The following GABRG3 variants were observed in gnomAD, a reference collection of about 807,000 sequenced individuals.
GABRG3 encodes gamma-aminobutyric acid receptor subunit gamma-3.
Under a neutral mutation model 48.8 loss-of-function variants are expected in GABRG3, and 25 were observed. That is an observed-to-expected ratio of 0.51 (90% confidence interval 0.37 to 0.72). GABRG3 has a LOEUF of 0.72. GABRG3 is among the 30% of genes least tolerant of loss of function. The probability of loss-of-function intolerance (pLI) is 0.00; values close to 1 mark genes in which losing one functional copy is unlikely to be tolerated. For synonymous variants in GABRG3, 227 were observed against 217.6 expected (o/e 1.04, Z -0.38); for missense variants, 394 against 577.9 (o/e 0.68, Z 3.26).
At chr15:27,054,997 C>T (rs541572515) in intron 3 of GABRG3, among the ~76,000 whole-genome samples, 2 of 131,712 alleles carry the variant, frequency 1.5e-5, no homozygotes, top group East Asian at 4.3e-4. Flanking sequence ...AGCCCAAGGG[C>T]CAAGACCTGT....
chr15:27,389,869 G>A (rs534329255), intron 5 of GABRG3, among the ~76,000 whole-genome samples: 4 of 152,266 alleles, frequency 2.6e-5, no homozygotes, highest in East Asian at 1.9e-4. Context: ...TAAAAGCAGC[G>A]CAAAATATGC....
chr15:27,171,564 A>G (rs1161686769), intron 3 of GABRG3, among the ~76,000 whole-genome samples: 3 of 148,996 alleles, frequency 2.0e-5, no homozygotes, highest in Admixed American at 6.7e-5. Flanking sequence ...ATGTATATGT[A>G]TATATATATA....
intron 3 of GABRG3, among the ~76,000 whole-genome samples, chr15:27,134,513 A>G (rs1020677829): frequency 6.6e-6 from 1 of 152,162 alleles, no homozygotes; most frequent in African/African-American, 2.4e-5. Flanking sequence ...GGGGCTCTGC[A>G]GTGTGACACC....
At chr15:27,296,482 A>G (rs1452017941) in intron 3 of GABRG3, among the ~76,000 whole-genome samples, 1 of 152,186 alleles carries the variant, frequency 6.6e-6, no homozygotes, top group African/African-American at 2.4e-5. Flanking sequence ...ATGGTAAGCA[A>G]GATGGTTAAT....
intron 6 of GABRG3, among the ~76,000 whole-genome samples, chr15:27,496,822 G>A (rs555519764): frequency 1.9e-3 from 294 of 152,306 alleles, no homozygotes; most frequent in Non-Finnish European, 3.5e-3. Flanking sequence ...GTAGAAAAAT[G>A]TTTGGTGATT....
At chr15:27,380,864 C>T (rs1397297531) in intron 5 of GABRG3, among the ~76,000 whole-genome samples, 1 of 148,002 alleles carries the variant, frequency 6.8e-6, no homozygotes, top group African/African-American at 2.5e-5. Context: ...CTCCTGGGTT[C>T]ACGCCATTCT....
intron 6 of GABRG3, among the ~76,000 whole-genome samples, chr15:27,499,541 T>A (rs1471501414): frequency 6.6e-6 from 1 of 152,230 alleles, no homozygotes; most frequent in Non-Finnish European, 1.5e-5. Context: ...TTAATGGAAA[T>A]GTTTATGTCG....
intron 3 of GABRG3, among the ~76,000 whole-genome samples, chr15:27,054,472 A>T (rs1896507654): frequency 1.3e-5 from 2 of 152,220 alleles, no homozygotes; most frequent in Admixed American, 6.5e-5. Context: ...AAACTGTAAA[A>T]GTTATCAAAG....
At chr15:27,488,388 G>C (rs1156668771) in intron 6 of GABRG3, among the ~76,000 whole-genome samples, 1 of 152,144 alleles carries the variant, frequency 6.6e-6, no homozygotes, top group African/African-American at 2.4e-5. Context: ...TGTGATGCTG[G>C]AGCCATCCTA....
intron 3 of GABRG3, among the ~76,000 whole-genome samples, chr15:27,264,627 A>C (rs933435991): frequency 2.6e-5 from 4 of 151,900 alleles, no homozygotes; most frequent in East Asian, 1.9e-4. Context: ...AAAAAAAAAA[A>C]AACCTTATGA....
intron 2 of GABRG3, among the ~76,000 whole-genome samples, chr15:27,007,215 G>A (rs1364593949): frequency 1.3e-5 from 2 of 151,932 alleles, no homozygotes; most frequent in Non-Finnish European, 2.9e-5. Context: ...GAGTAGTTGG[G>A]ACCACAGGTG....
intron 5 of GABRG3, among the ~76,000 whole-genome samples, chr15:27,355,969 G>A (rs1313952382): frequency 1.3e-5 from 2 of 152,146 alleles, no homozygotes; most frequent in Non-Finnish European, 2.9e-5. Flanking sequence ...TGGGGAATGG[G>A]GAATGATACC....
At chr15:27,067,778 A>T (rs1896762159) in intron 3 of GABRG3, among the ~76,000 whole-genome samples, 1 of 152,082 alleles carries the variant, frequency 6.6e-6, no homozygotes, top group Non-Finnish European at 1.5e-5. Context: ...TATTTTGTGA[A>T]CACCCAGCTA....
At chr15:27,308,025 A>T (rs1161625789) in intron 3 of GABRG3, among the ~76,000 whole-genome samples, 1 of 139,632 alleles carries the variant, frequency 7.2e-6, no homozygotes, top group East Asian at 2.2e-4. Flanking sequence ...TATAAAATAA[A>T]CATGTTTATA....
chr15:27,233,524 G>A (rs549830771), intron 3 of GABRG3, among the ~76,000 whole-genome samples: 47 of 152,176 alleles, frequency 3.1e-4, no homozygotes, highest in African/African-American at 1.1e-3. Flanking sequence ...CCTTCTCCTT[G>A]TGTCCTCTCA....
chr15:27,277,410 A>G (rs1891292325), intron 3 of GABRG3, among the ~76,000 whole-genome samples: 2 of 152,192 alleles, frequency 1.3e-5, no homozygotes, highest in Admixed American at 1.3e-4. Flanking sequence ...ACATTTGAGT[A>G]CAAACTAGTT....
chr15:27,499,123 A>G (rs1464936594), intron 6 of GABRG3, among the ~76,000 whole-genome samples: 1 of 152,232 alleles, frequency 6.6e-6, no homozygotes, highest in Non-Finnish European at 1.5e-5. Flanking sequence ...GCCTTGGGGT[A>G]TGCATTTGTC....
At chr15:27,163,937 C>T (rs966850965) in intron 3 of GABRG3, among the ~76,000 whole-genome samples, 1 of 152,278 alleles carries the variant, frequency 6.6e-6, no homozygotes, top group African/African-American at 2.4e-5. Flanking sequence ...GTGCCAGTGT[C>T]GCTCAGCTGC....
At position 26,977,054 on chromosome 15, in the gene GABRG3, T is replaced by A; in HGVS notation, c.106T>A (p.Trp36Arg). The change falls in exon 2 of 10, where the codon TGG (tryptophan) becomes AGG (arginine). Residue 36 changes from tryptophan to arginine, a missense_variant. Coordinates refer to ENST00000615808, the MANE Select transcript of GABRG3 (RefSeq NM_033223.5). ...TGAAGATTCATCATCAAACCAAAAGTGGGTCTTGGCTCCAAAATCCCAAGA... is the reference window on the plus strand; with the variant it reads ...TGAAGATTCATCATCAAACCAAAAGAGGGTCTTGGCTCCAAAATCCCAAGA... ...EYEDSSSNQK[W>R]VLAPKSQDTD... 6.2e-7 allele frequency: 1 copy of A among 1,613,974 alleles called. No individual in the cohort carries two copies. The highest frequency in any genetic ancestry group is 8.5e-7 in the Non-Finnish European group (1 of 1,179,872).
Sources: gnomAD v4.1 joint callset for allele counts (sites outside exome capture counted in the v4.1 genomes callset) on GRCh38, gnomAD v4.1.1 for gene constraint, MANE v1.5 for transcripts, NCBI Gene and HGNC (gene_info 2026-07-23, HGNC 2026-07-21) for gene names.